The following SNRPE variants were observed in gnomAD, a reference collection of about 807,000 sequenced individuals.
SNRPE encodes the protein small nuclear ribonucleoprotein E.
For missense variants in SNRPE, 53 were observed against 111.6 expected (o/e 0.48, Z 2.36); for synonymous variants, 35 against 36.7 (o/e 0.95, Z 0.17).
Position 203,864,654 on chromosome 1 carries a change from A to G in SNRPE, c.145-387A>G, listed in dbSNP as rs142320821. On this transcript the variant is annotated intron_variant, in intron 3 of 4. Transcript: ENST00000414487. ...CACTTAGGGAGGCCGAGCATGATGA[A>G]TCACTTTAGCTCCAGAGTTCGAGAC... Among the ~76,000 whole-genome samples the G allele has an allele frequency of 1.0e-3, 155 of 152,206 alleles. 2 individuals carry two copies. Among genetic ancestry groups the G allele is most frequent in the Non-Finnish European group, 1.9e-3 (126 of 68,012 alleles).
chr1:203,862,543 A>G (rs1689998399), intron 2 of SNRPE, among the ~76,000 whole-genome samples: 3 of 152,208 alleles, frequency 2.0e-5, no homozygotes, highest in Admixed American at 2.0e-4. Flanking sequence ...GATTATGGCT[A>G]GAACATTGGA....
At chr1:203,867,173 G>A (rs1418110566) in intron 4 of SNRPE, among the ~76,000 whole-genome samples, 2 of 150,356 alleles carry the variant, frequency 1.3e-5, no homozygotes, top group East Asian at 3.9e-4. Flanking sequence ...CCAGCTACTC[G>A]GGAGGCTGAG....
chr1:203,865,031 A>G lies in SNRPE; in HGVS notation c.145-10A>G. On this transcript the variant is annotated splice_polypyrimidine_tract_variant and intron_variant, in intron 3 of 4. Transcript: ENST00000414487. ...TTTCTTTGAAGATAACAGTTTGTTTATTTTTCTAGGGTTTTGATGAGTATA... is the reference window on the plus strand; with the variant it reads ...TTTCTTTGAAGATAACAGTTTGTTTGTTTTTCTAGGGTTTTGATGAGTATA... The G allele has an allele frequency of 6.2e-7, 1 of 1,605,540 alleles. No individual in the cohort carries two copies. The highest frequency in any genetic ancestry group is 8.5e-7 in the Non-Finnish European group (1 of 1,177,086).
At chr1:203,868,090 C>CACTT (rs59546547) in intron 4 of SNRPE, among the ~76,000 whole-genome samples, 1 of 151,556 alleles carries the variant, frequency 6.6e-6, no homozygotes, top group Non-Finnish European at 1.5e-5. Context: ...GACAGAGTCT[C>CACTT]TGTCGCTCAG....
In SNRPE at chr1:203,863,067, T is replaced by C. The variant is rs187451335; in HGVS notation, c.82-596T>C. Among the ~76,000 whole-genome samples, 193 of 152,182 alleles carry C rather than the reference T, an allele frequency of 1.3e-3. 2 individuals are homozygous for C. Among genetic ancestry groups the C allele is most frequent in the African/African-American group, 4.5e-3 (185 of 41,520 alleles). ...TTTTGAGGTTATTATTATTGGTGAATAATTCTTAGATATGGGCTAATTAGT... is the reference window on the plus strand; with the variant it reads ...TTTTGAGGTTATTATTATTGGTGAACAATTCTTAGATATGGGCTAATTAGT... On this transcript the variant is annotated intron_variant, in intron 2 of 4. Coordinates refer to ENST00000414487, the MANE Select transcript of SNRPE (RefSeq NM_003094.4).
intron 4 of SNRPE, among the ~76,000 whole-genome samples, chr1:203,868,968 C>T (rs933818672): frequency 1.3e-5 from 2 of 152,144 alleles, no homozygotes; most frequent in Admixed American, 1.3e-4. Flanking sequence ...CATACCCAGC[C>T]GGGTTTTTTA....
chr1:203,868,789 C>T (rs1456994475), intron 4 of SNRPE, among the ~76,000 whole-genome samples: 1 of 133,148 alleles, frequency 7.5e-6, no homozygotes, highest in African/African-American at 2.8e-5. Context: ...CCTGCCTCAG[C>T]CTCCCAAGTA....
chr1:203,865,707 A>G lies in SNRPE; in HGVS notation c.223+588A>G, dbSNP rs907780928. On this transcript the variant is annotated intron_variant, in intron 4 of 4. Transcript: ENST00000414487. ...GCCCCTCAGTCCTCCACCAGATGCT[A>G]ATTGTCAGCTCCAGATTGTTTTACC... Among the ~76,000 whole-genome samples, 6 of 152,128 alleles carry G rather than the reference A, an allele frequency of 3.9e-5. No individual in the cohort carries two copies. The South Asian group carries it at 1.2e-3, about 32-fold the overall frequency.
chr1:203,864,898 A>AAAAC (rs1553274618), intron 3 of SNRPE, 143 bp from the exon 4 acceptor site: 378 of 448,984 alleles, frequency 8.4e-4, no homozygotes, highest in Non-Finnish European at 1.0e-3. Context: ...AAAAAAAAAA[A>AAAAC]AAACTTTGGG....
At position 203,865,264 on chromosome 1, in the gene SNRPE, C is replaced by G. The variant is rs1690063910; in HGVS notation, c.223+145C>G. ...GTAGTAGTACACTTTTGAAATCATC[C>G]TCTACTACTCACTCCTCACCACACT... is the stretch of plus-strand genomic sequence containing the variant. On this transcript the variant is annotated intron_variant, in intron 4 of 4. Coordinates refer to ENST00000414487, the MANE Select transcript of SNRPE (RefSeq NM_003094.4). 5 of 714,714 alleles carry G rather than the reference C, an allele frequency of 7.0e-6. No individual in the cohort carries two copies. In the East Asian group the frequency reaches 1.5e-4, roughly 21 times the overall value. The allele number at this position is 714,714 out of a possible 1,614,324, so 44.3% of individuals were successfully genotyped here.
intron 3 of SNRPE, among the ~76,000 whole-genome samples, chr1:203,864,251 G>A (rs973504551): frequency 6.6e-6 from 1 of 151,948 alleles, no homozygotes; most frequent in Admixed American, 6.6e-5. Context: ...ACAACGCCTG[G>A]CTGAAAATTA....
chr1:203,865,018 T>A, intron 3 of SNRPE, 23 bp from the exon 4 acceptor site: 2 of 1,602,130 alleles, frequency 1.2e-6, no homozygotes, highest in Non-Finnish European at 1.7e-6. Flanking sequence ...TCTTTGAAGA[T>A]AACAGTTTGT....
At chr1:203,862,299 G>C (rs1316777044) in intron 2 of SNRPE, 77 bp downstream of exon 2, 1 of 1,000,734 alleles carries the variant, frequency 1.0e-6, no homozygotes. Context: ...TAACCTGAGC[G>C]ATCGCTGTGT....
At chr1:203,863,845 G>T in intron 3 of SNRPE, 120 bp downstream of exon 3, 1 of 666,932 alleles carries the variant, frequency 1.5e-6, no homozygotes, top group Non-Finnish European at 2.7e-6. Flanking sequence ...AAGTTTTTCA[G>T]GTGCTGCTGT....
intron 4 of SNRPE, 103 bp downstream of exon 4, chr1:203,865,222 A>C (rs1174848647): frequency 4.7e-6 from 5 of 1,066,622 alleles, no homozygotes; most frequent in Non-Finnish European, 5.5e-6. Context: ...TTTGCATTTG[A>C]GAAGTTATTA....
intron 3 of SNRPE, among the ~76,000 whole-genome samples, chr1:203,864,392 A>AG (rs945980003): frequency 5.9e-5 from 9 of 152,120 alleles, no homozygotes; most frequent in African/African-American, 2.2e-4. Flanking sequence ...TAGAGAGCTC[A>AG]GTGGGGTTAG....
chr1:203,861,902 C>T, intron 1 of SNRPE, 189 bp downstream of exon 1: 2 of 632,972 alleles, frequency 3.2e-6, no homozygotes, highest in South Asian at 3.7e-5. Flanking sequence ...GGGGGGACCC[C>T]TGCCGTGGGG....
At chr1:203,862,273 A>C in intron 2 of SNRPE, 51 bp downstream of exon 2, 1 of 1,355,044 alleles carries the variant, frequency 7.4e-7, no homozygotes, top group South Asian at 1.2e-5. Context: ...AGGTGAACTG[A>C]TTTAGTTTTT....
At position 203,865,062 on chromosome 1, in the gene SNRPE, C is replaced by G; in HGVS notation, c.166C>G (p.Leu56Val). 1 of 1,612,202 alleles carries G rather than the reference C, an allele frequency of 6.2e-7. No homozygotes were observed. Among genetic ancestry groups the G allele is most frequent in the South Asian group, 1.1e-5 (1 of 90,902 alleles). Reference protein sequence around the residue: ...CIIGFDEYMNLVLDDAEEIHS... With the variant: ...CIIGFDEYMNVVLDDAEEIHS... ...CTAGGGTTTTGATGAGTATATGAAC[C>G]TTGTATTAGATGATGCAGAAGAGAT... Residue 56 changes from leucine to valine, a missense_variant, in exon 4 of 5, where the codon CTT becomes GTT. By Grantham distance (32) the Leu-to-Val change is conservative. Coordinates refer to ENST00000414487, the MANE Select transcript of SNRPE (RefSeq NM_003094.4).
Sources: allele counts gnomAD v4.1 joint callset (sites outside exome capture counted in the v4.1 genomes callset), GRCh38; gene constraint gnomAD v4.1.1; transcripts MANE v1.5; gene names NCBI Gene and HGNC (gene_info 2026-07-23, HGNC 2026-07-21).